Variants in DYRK1A observed in about 807,000 individuals in gnomAD.
DYRK1A encodes the protein dual specificity tyrosine phosphorylation regulated kinase 1A, also known as dual specificity tyrosine-phosphorylation-regulated kinase 1A.
In DYRK1A, 9 loss-of-function variants were observed where a neutral mutation model predicts 79.7. That is an observed-to-expected ratio of 0.11 (90% CI 0.07 to 0.20). DYRK1A has a LOEUF of 0.20. Ranked by LOEUF, DYRK1A falls within the 10% of genes least tolerant of loss-of-function variation. The pLI is 1.00. For missense variants in DYRK1A, 622 were observed against 956.0 expected, an observed-to-expected ratio of 0.65 and a Z score of 4.61; for synonymous variants, 349 against 329.7, an observed-to-expected ratio of 1.06 and a Z score of -0.63.
At chr21:37,471,469 T>C (rs972049546) in intron 2 of DYRK1A, among the ~76,000 whole-genome samples, 1 of 152,252 alleles carries the variant, frequency 6.6e-6, no homozygotes, top group Non-Finnish European at 1.5e-5. Context: ...CATGAGCCTT[T>C]ACTGCACATT....
intron 2 of DYRK1A, among the ~76,000 whole-genome samples, chr21:37,453,232 T>A (rs983408199): frequency 2.0e-5 from 3 of 152,260 alleles, no homozygotes; most frequent in Non-Finnish European, 2.9e-5. Flanking sequence ...TATTTTACAT[T>A]TTATGTTGCT....
intron 2 of DYRK1A, among the ~76,000 whole-genome samples, chr21:37,450,103 C>G (rs1348393322): frequency 6.6e-6 from 1 of 152,170 alleles, no homozygotes; most frequent in African/African-American, 2.4e-5. Flanking sequence ...TGGATAGTCT[C>G]TTACTGTCCC....
At chr21:37,451,273 T>C (rs897401686) in intron 2 of DYRK1A, among the ~76,000 whole-genome samples, 1 of 152,174 alleles carries the variant, frequency 6.6e-6, no homozygotes, top group Non-Finnish European at 1.5e-5. Context: ...AAATGTACAA[T>C]GTCTATAAAG....
At chr21:37,426,913 C>T (rs1364470857) in intron 2 of DYRK1A, among the ~76,000 whole-genome samples, 22 of 112,590 alleles carry the variant, frequency 2.0e-4, no homozygotes, top group African/African-American at 7.6e-4. Context: ...GAGCGAGACT[C>T]GGTTCTAAAA....
chr21:37,464,391 C>T (rs1384035369), intron 2 of DYRK1A: 2 of 391,118 alleles, frequency 5.1e-6, no homozygotes, highest in African/African-American at 2.1e-5. Context: ...TTGAATTTTT[C>T]CCAAGTTTAG....
chr21:37,508,770 A>T (rs1026420736), intron 11 of DYRK1A, among the ~76,000 whole-genome samples: 3 of 151,920 alleles, frequency 2.0e-5, no homozygotes, highest in African/African-American at 2.4e-5. Flanking sequence ...ATTCTCTCTT[A>T]CTTTTCTTAC....
intron 6 of DYRK1A, chr21:37,486,912 C>G (rs956582317): frequency 4.0e-5 from 8 of 199,742 alleles, no homozygotes; most frequent in Admixed American, 1.2e-4. Flanking sequence ...GCATGTTTAT[C>G]CATAGGGTCA....
intron 2 of DYRK1A, among the ~76,000 whole-genome samples, chr21:37,444,162 A>G (rs924862415): frequency 2.0e-5 from 3 of 152,230 alleles, no homozygotes; most frequent in Non-Finnish European, 4.4e-5. Context: ...ACCTTTTATT[A>G]TAAATATTTA....
chr21:37,434,624 C>T (rs1008644707), intron 2 of DYRK1A, among the ~76,000 whole-genome samples: 5 of 152,100 alleles, frequency 3.3e-5, no homozygotes, highest in Admixed American at 6.5e-5. Context: ...ACTTGGTTCC[C>T]AGATATGAGT....
At position 37,523,595 on chromosome 21, in the gene DYRK1A, C is replaced by G. The variant is rs2053949660; in HGVS notation, c.*11064C>G. The G allele has an allele frequency of 6.6e-6, 1 of 152,188 alleles. No individual in the cohort carries two copies. Among genetic ancestry groups the G allele is most frequent in the Non-Finnish European group, 1.5e-5 (1 of 68,046 alleles). The allele number at this position is 152,188 out of a possible 1,614,324, so 9.4% of individuals were successfully genotyped here. A position where few individuals can be genotyped will look rare whatever the true frequency, so the allele number is the denominator to read the frequency against. ...TCGGCTGTTCAGGAACAGGAGAGCT[C>G]TGGAAGAGCAGGGACGACTTTGGCT... On this transcript the variant is annotated 3_prime_UTR_variant, in exon 12 of 12. Coordinates refer to ENST00000647188, the MANE Select transcript of DYRK1A (RefSeq NM_001347721.2).
At chr21:37,467,583 A>C (rs1569349651) in intron 2 of DYRK1A, among the ~76,000 whole-genome samples, 1 of 152,208 alleles carries the variant, frequency 6.6e-6, no homozygotes. Flanking sequence ...CACCACATCA[A>C]CAGAGTAAAT....
At chr21:37,462,188 G>C (rs2051862286) in intron 2 of DYRK1A, among the ~76,000 whole-genome samples, 1 of 152,050 alleles carries the variant, frequency 6.6e-6, no homozygotes, top group African/African-American at 2.4e-5. Context: ...CCCGAATACA[G>C]ACCACATTTT....
intron 2 of DYRK1A, among the ~76,000 whole-genome samples, chr21:37,457,033 CTTACTTATTTATTTATTTATTTATTTAT>C (rs1470114330): frequency 9.0e-4 from 107 of 118,266 alleles, no homozygotes; most frequent in Admixed American, 1.8e-3. Flanking sequence ...TACTTACTTA[CTTACTTATTTATTTATTTATTTATTTAT>C]TTATTTATTT....
At chr21:37,471,003 T>C (rs2052203464) in intron 2 of DYRK1A, among the ~76,000 whole-genome samples, 1 of 152,164 alleles carries the variant, frequency 6.6e-6, no homozygotes, top group Non-Finnish European at 1.5e-5. Flanking sequence ...CTCACTGTAA[T>C]GGGGAGAGAC....
At chr21:37,482,336 A>G (rs768521965) in intron 5 of DYRK1A, among the ~76,000 whole-genome samples, 1 of 152,194 alleles carries the variant, frequency 6.6e-6, no homozygotes, top group African/African-American at 2.4e-5. Context: ...AAAGGGACAG[A>G]GTACAAAAGA....
chr21:37,492,877 C>G, intron 7 of DYRK1A, 140 bp from the exon 8 acceptor site: 3 of 611,640 alleles, frequency 4.9e-6, no homozygotes, highest in Non-Finnish European at 8.3e-6. Flanking sequence ...TATTCGTAGT[C>G]TAATGTTGAA....
chr21:37,443,446 C>T (rs2051170213), intron 2 of DYRK1A, among the ~76,000 whole-genome samples: 2 of 152,132 alleles, frequency 1.3e-5, no homozygotes, highest in Admixed American at 6.6e-5. Flanking sequence ...TTATTGTGTA[C>T]CAGCCATTGT....
At chr21:37,372,312 G>A (rs1386311196) in intron 1 of DYRK1A, among the ~76,000 whole-genome samples, 1 of 151,386 alleles carries the variant, frequency 6.6e-6, no homozygotes, top group Non-Finnish European at 1.5e-5. Context: ...AAACAGGTGT[G>A]TTAGTGCCAC....
At chr21:37,370,668 A>G (rs994360687) in intron 1 of DYRK1A, among the ~76,000 whole-genome samples, 1 of 152,208 alleles carries the variant, frequency 6.6e-6, no homozygotes, top group Non-Finnish European at 1.5e-5. Flanking sequence ...AGTCTTTATC[A>G]AGAATTTAGT....
Sources: gnomAD v4.1 joint callset for allele counts (sites outside exome capture counted in the v4.1 genomes callset) on GRCh38, gnomAD v4.1.1 for gene constraint, MANE v1.5 for transcripts, NCBI Gene and HGNC (gene_info 2026-07-23, HGNC 2026-07-21) for gene names.